Variants in TSPAN9 observed in about 807,000 individuals in gnomAD.
TSPAN9 encodes the protein tetraspanin 9.
TSPAN9 carries 16 observed loss-of-function variants against 31.0 expected under a neutral mutation model. That is an observed-to-expected ratio of 0.52 (90% CI 0.35 to 0.78). The LOEUF (loss-of-function observed/expected upper bound fraction) is 0.78. Among genes scored for constraint, TSPAN9 ranks in the 30% least tolerant of loss-of-function variants. TSPAN9 has a pLI of 0.01. For synonymous variants in TSPAN9, 145 were observed against 121.6 expected (o/e 1.19, Z -1.27); for missense variants, 272 against 312.5 (o/e 0.87, Z 0.98).
chr12:3,267,990 G>A (rs1862567774), intron 3 of TSPAN9, among the ~76,000 whole-genome samples: 1 of 152,220 alleles, frequency 6.6e-6, no homozygotes, highest in African/African-American at 2.4e-5. Context: ...TGGGGAAAAG[G>A]CATGTCGAAG....
intron 3 of TSPAN9, among the ~76,000 whole-genome samples, chr12:3,234,437 C>A (rs1483250930): frequency 2.0e-5 from 3 of 152,168 alleles, no homozygotes; most frequent in Non-Finnish European, 2.9e-5. Context: ...CTGCTCCGGC[C>A]ACCCTGCAGC....
At chr12:3,201,365 A>C (rs999768709) in intron 3 of TSPAN9, 109 bp downstream of exon 3, 1 of 1,086,234 alleles carries the variant, frequency 9.2e-7, no homozygotes, top group South Asian at 1.5e-5. Flanking sequence ...CTCTCTGCAC[A>C]GTGGTAAGTG....
In TSPAN9 at chr12:3,165,790, C is replaced by T. The variant is rs567023890; in HGVS notation, c.-17-35387C>T. Among the ~76,000 whole-genome samples the T allele has an allele frequency of 3.3e-5, 5 of 152,314 alleles. No individual in the cohort carries two copies. The East Asian group carries it at 7.7e-4, about 24-fold the overall frequency. ...AATTTATGATGGCGCCTAGTATTCT[C>T]GTCCTGCTGCCTCCTAGAATCTGCT... On this transcript the variant is annotated intron_variant, in intron 2 of 8. Coordinates refer to ENST00000011898, the MANE Select transcript of TSPAN9 (RefSeq NM_006675.5).
chr12:3,273,834 C>T (rs1476448219), intron 3 of TSPAN9, among the ~76,000 whole-genome samples: 2 of 152,242 alleles, frequency 1.3e-5, no homozygotes, highest in Non-Finnish European at 2.9e-5. Context: ...CAACCTGTCT[C>T]TGCCATCACC....
rs569811385 is a variant in TSPAN9, at chr12:3,259,374, A to G, written c.64-19047A>G. Among the ~76,000 whole-genome samples, 5 of 152,276 alleles carry G rather than the reference A, an allele frequency of 3.3e-5. No individual in the cohort carries two copies. In the South Asian group the frequency reaches 1.0e-3, roughly 32 times the overall value. On this transcript the variant is annotated intron_variant, in intron 3 of 8. Transcript: ENST00000011898. ...ATATACTAAATGGTACTTTAGAGGA[A>G]AGTTCTCAAGGACAGATTTCCAATC...
intron 3 of TSPAN9, among the ~76,000 whole-genome samples, chr12:3,249,305 C>T (rs1862201939): frequency 6.6e-6 from 1 of 152,184 alleles, no homozygotes; most frequent in Non-Finnish European, 1.5e-5. Context: ...CATGGAGCCT[C>T]CCAGGAAGTG....
chr12:3,240,757 G>A (rs1404238170), intron 3 of TSPAN9, among the ~76,000 whole-genome samples: 1 of 152,186 alleles, frequency 6.6e-6, no homozygotes, highest in African/African-American at 2.4e-5. Context: ...GAACTTCTGT[G>A]ATTTAATGTA....
At chr12:3,274,426 G>A (rs1862745256) in intron 3 of TSPAN9, among the ~76,000 whole-genome samples, 1 of 151,938 alleles carries the variant, frequency 6.6e-6, no homozygotes, top group African/African-American at 2.4e-5. Context: ...TTTAGGAAAA[G>A]AATCAGGCAG....
chr12:3,231,059 C>T (rs974096705), intron 3 of TSPAN9, among the ~76,000 whole-genome samples: 1 of 152,182 alleles, frequency 6.6e-6, no homozygotes, highest in African/African-American at 2.4e-5. Flanking sequence ...GGGAACGGTG[C>T]TTAGTCGAGA....
Position 3,147,966 on chromosome 12 carries a change from G to A in TSPAN9, c.-17-53211G>A, listed in dbSNP as rs548498710. On this transcript the variant is annotated intron_variant, in intron 2 of 8. Transcript: ENST00000011898. This position sits in a 1 kb window ranked among gnomAD's most constrained non-coding sequence, Gnocchi z 4.3. The stretch of plus-strand genomic sequence containing the variant: ...ATGGGCTCCTGCAAGTCTAATCTGG[G>A]TACATTTGGAGATTGAGTGGAGGGT... Among the ~76,000 whole-genome samples, 9 of 152,250 alleles carry A rather than the reference G, an allele frequency of 5.9e-5. No individual in the cohort carries two copies. The South Asian group carries it at 1.5e-3, about 25-fold the overall frequency.
intron 3 of TSPAN9, among the ~76,000 whole-genome samples, chr12:3,267,226 T>C (rs1862553228): frequency 6.6e-6 from 1 of 152,230 alleles, no homozygotes; most frequent in African/African-American, 2.4e-5. Flanking sequence ...CAGAAGATGG[T>C]ATCCTTGTCC....
intron 2 of TSPAN9, among the ~76,000 whole-genome samples, chr12:3,099,990 T>C (rs1198519749): frequency 6.6e-6 from 1 of 152,082 alleles, no homozygotes; most frequent in African/African-American, 2.4e-5. Context: ...TACAGGTGCC[T>C]GCCACCATGC....
In TSPAN9 at chr12:3,243,232, G is replaced by T. The variant is rs2098397533; in HGVS notation, c.64-35189G>T. On this transcript the variant is annotated intron_variant, in intron 3 of 8. Coordinates refer to ENST00000011898, the MANE Select transcript of TSPAN9 (RefSeq NM_006675.5). ...CCGTGGTTGAGTTCCCCATCTCGTT[G>T]TCTGCTGGACTCACCCATCATCTTT... 1.3e-5 allele frequency among the ~76,000 whole-genome samples: 2 copies of T among 152,106 alleles called. 1 individual carries two copies. The highest frequency in any genetic ancestry group is 4.1e-4 in the South Asian group (2 of 4,820).
rs1311516368 is a variant in TSPAN9 at position 3,170,608 on chromosome 12, G to T, written c.-17-30569G>T. ...GTTCTGTGTGGGGGGGTCGTGATGG[G>T]GGAGCAGATGGCCCTGGTCATGCAT... is the stretch of plus-strand genomic sequence containing the variant. On this transcript the variant is annotated intron_variant, in intron 2 of 8. Coordinates refer to ENST00000011898, the MANE Select transcript of TSPAN9 (RefSeq NM_006675.5). This position sits in a 1 kb window ranked among gnomAD's most constrained non-coding sequence, Gnocchi z 4.4. 6.7e-6 allele frequency among the ~76,000 whole-genome samples: 1 copy of T among 149,662 alleles called. No homozygotes were observed. The highest frequency in any genetic ancestry group is 1.5e-5 in the Non-Finnish European group (1 of 67,494).
intron 2 of TSPAN9, among the ~76,000 whole-genome samples, chr12:3,165,681 G>C (rs2098347969): frequency 6.6e-6 from 1 of 152,182 alleles, no homozygotes; most frequent in Non-Finnish European, 1.5e-5. Context: ...CTGCTTGTAA[G>C]CTCTCAAGGC....
At chr12:3,177,351 C>T (rs1206310168) in intron 2 of TSPAN9, among the ~76,000 whole-genome samples, 1 of 151,018 alleles carries the variant, frequency 6.6e-6, no homozygotes, top group African/African-American at 2.4e-5. Context: ...GTTAGCCAGG[C>T]TGGTCTCGAT....
In TSPAN9 at chr12:3,283,090, C is replaced by A. The variant is rs769331425; in HGVS notation, c.694C>A (p.Arg232=). 1.1e-5 allele frequency: 17 copies of A among 1,609,500 alleles called. No individual in the cohort carries two copies. Among genetic ancestry groups the A allele is most frequent in the Non-Finnish European group, 1.4e-5 (16 of 1,180,010 alleles). Residue 232 remains arginine (R), a synonymous_variant, in exon 9 of 9, where the codon CGG becomes AGG. Transcript: ENST00000011898. The part of the protein sequence containing the change: ...FSMTLFQHIH[R]TGKKYDA ...CATGACCCTCTTCCAGCACATCCACCGGACTGGTAAGAAGTACGACGCATG... is the reference window on the plus strand; with the variant it reads ...CATGACCCTCTTCCAGCACATCCACAGGACTGGTAAGAAGTACGACGCATG...
chr12:3,275,938 A>T (rs925083544), intron 3 of TSPAN9, among the ~76,000 whole-genome samples: 1 of 152,164 alleles, frequency 6.6e-6, no homozygotes, highest in Non-Finnish European at 1.5e-5. Context: ...TCAAAATCCT[A>T]TTCATTCTTC....
Position 3,147,371 on chromosome 12 carries a change from T to C in TSPAN9, c.-17-53806T>C, listed in dbSNP as rs191069813. Among the ~76,000 whole-genome samples the C allele has an allele frequency of 4.4e-4, 67 of 151,900 alleles. No individual in the cohort carries two copies. Among genetic ancestry groups the C allele is most frequent in the Admixed American group, 1.1e-3 (17 of 15,284 alleles). ...CAGCTGCCTGCTGCATCCTGCTGAG[T>C]GTTGGGGCCCGGGAGACCCTCGCCG... On this transcript the variant is annotated intron_variant, in intron 2 of 8. Coordinates refer to ENST00000011898, the MANE Select transcript of TSPAN9 (RefSeq NM_006675.5). This position sits in a 1 kb window ranked among gnomAD's most constrained non-coding sequence, Gnocchi z 4.3.
Sources: gnomAD v4.1 joint callset for allele counts (sites outside exome capture counted in the v4.1 genomes callset) on GRCh38, gnomAD v4.1.1 for gene constraint, Gnocchi (gnomAD v3.1) non-coding constraint, MANE v1.5 for transcripts, NCBI Gene and HGNC (gene_info 2026-07-23, HGNC 2026-07-21) for gene names.